CDH12: variants seen among roughly 807,000 people sequenced by gnomAD.
The protein encoded by CDH12 is cadherin-12.
CDH12 carries 41 observed loss-of-function variants against 74.1 expected under a neutral mutation model. That is an observed-to-expected ratio of 0.55 (90% CI 0.43 to 0.72). CDH12 has a LOEUF of 0.72. Among genes scored for constraint, CDH12 ranks in the 30% least tolerant of loss-of-function variants. The probability of loss-of-function intolerance (pLI) is 0.00; values close to 1 mark genes in which losing one functional copy is unlikely to be tolerated. For missense variants in CDH12, 945 were observed against 977.2 expected (o/e 0.97, Z 0.44); for synonymous variants, 399 against 355.0 (o/e 1.12, Z -1.39).
intron 3 of CDH12, among the ~76,000 whole-genome samples, chr5:22,279,929 T>C (rs1360383541): frequency 1.3e-5 from 2 of 152,078 alleles, no homozygotes; most frequent in African/African-American, 4.8e-5. Flanking sequence ...ATTTCTAGTT[T>C]TAGATCCCTG....
chr5:22,840,598 T>TAG (rs1316412388), intron 1 of CDH12, among the ~76,000 whole-genome samples: 1 of 151,712 alleles, frequency 6.6e-6, no homozygotes, highest in Non-Finnish European at 1.5e-5. Flanking sequence ...ACACTTACTA[T>TAG]ATGTTAGTCT....
chr5:22,625,689 C>T (rs759207018), intron 1 of CDH12, among the ~76,000 whole-genome samples: 3 of 152,160 alleles, frequency 2.0e-5, no homozygotes, highest in Non-Finnish European at 1.5e-5. Flanking sequence ...GCTGGCCTTT[C>T]CTGGGGCCCC....
At chr5:22,506,741 T>C (rs1366820849) in intron 1 of CDH12, among the ~76,000 whole-genome samples, 2 of 152,106 alleles carry the variant, frequency 1.3e-5, no homozygotes, top group Admixed American at 6.6e-5. Context: ...GGGAAATTTA[T>C]GTATTTATAT....
chr5:21,832,793 AAT>A (rs1360591466), intron 8 of CDH12, among the ~76,000 whole-genome samples: 33 of 102,280 alleles, frequency 3.2e-4, no homozygotes, highest in Admixed American at 1.6e-3. Flanking sequence ...TATATCATAT[AAT>A]ATATATATTA....
At chr5:22,207,039 C>T (rs1429431540) in intron 4 of CDH12, among the ~76,000 whole-genome samples, 3 of 150,862 alleles carry the variant, frequency 2.0e-5, no homozygotes, top group African/African-American at 7.3e-5. Context: ...TGGTGAAACC[C>T]TGTCTCTACT....
intron 1 of CDH12, among the ~76,000 whole-genome samples, chr5:22,811,170 C>T (rs1010187114): frequency 3.3e-5 from 5 of 151,268 alleles, no homozygotes; most frequent in Admixed American, 6.6e-5. Context: ...TACACACACA[C>T]ATATATATTT....
intron 1 of CDH12, among the ~76,000 whole-genome samples, chr5:22,584,081 A>AATTTATTTATTTATTTATTTATTTATTT (rs3047309): frequency 6.8e-6 from 1 of 147,418 alleles, no homozygotes; most frequent in African/African-American, 2.5e-5. Context: ...TTGTTTGCGG[A>AATTTATTTATTTATTTATTTATTTATTT]ATTTATTTAT....
intron 3 of CDH12, among the ~76,000 whole-genome samples, chr5:22,396,017 T>C (rs1742440684): frequency 6.6e-6 from 1 of 152,036 alleles, no homozygotes; most frequent in Non-Finnish European, 1.5e-5. Flanking sequence ...GTTCTTGGAC[T>C]CAATATTACA....
chr5:22,005,432 A>G (rs1188578865), intron 5 of CDH12, among the ~76,000 whole-genome samples: 2 of 152,210 alleles, frequency 1.3e-5, no homozygotes, highest in Non-Finnish European at 2.9e-5. Context: ...TAGTGCTGCA[A>G]TAAACATAGC....
At chr5:22,080,661 T>G (rs1441942771) in intron 4 of CDH12, among the ~76,000 whole-genome samples, 9 of 152,188 alleles carry the variant, frequency 5.9e-5, no homozygotes, top group Non-Finnish European at 1.2e-4. Flanking sequence ...TATGTTGAAT[T>G]TCAAAGACAG....
At chr5:22,151,594 T>C (rs1017747242) in intron 4 of CDH12, among the ~76,000 whole-genome samples, 1 of 152,144 alleles carries the variant, frequency 6.6e-6, no homozygotes, top group African/African-American at 2.4e-5. Context: ...AAACAAGTAA[T>C]TCACAAATCA....
At chr5:21,766,342 C>A (rs747530005) in intron 11 of CDH12, among the ~76,000 whole-genome samples, 1 of 151,884 alleles carries the variant, frequency 6.6e-6, no homozygotes. Context: ...TCTTATAATA[C>A]CAGGCGTGCT....
chr5:22,075,895 T>C (rs991691537), intron 5 of CDH12, among the ~76,000 whole-genome samples: 6 of 152,216 alleles, frequency 3.9e-5, no homozygotes, highest in African/African-American at 1.4e-4. Context: ...TTTCTATGAG[T>C]AATCTCAAAG....
intron 4 of CDH12, chr5:22,143,356 T>C (rs1746933416): frequency 1.3e-5 from 2 of 150,264 alleles, no homozygotes; most frequent in African/African-American, 4.9e-5. Flanking sequence ...ATAATACAAA[T>C]GTATAATATT....
intron 1 of CDH12, among the ~76,000 whole-genome samples, chr5:22,564,625 G>A (rs954029627): frequency 3.3e-5 from 5 of 151,644 alleles, no homozygotes; most frequent in African/African-American, 7.3e-5. Flanking sequence ...TTTCTTATTG[G>A]TTTGTTATTT....
intron 11 of CDH12, among the ~76,000 whole-genome samples, chr5:21,771,198 T>A (rs1308043074): frequency 4.0e-5 from 6 of 149,632 alleles, no homozygotes; most frequent in Non-Finnish European, 5.9e-5. Context: ...AAATGAAAGT[T>A]TTTTTTTTTT....
At chr5:22,251,665 T>A (rs1753137948) in intron 3 of CDH12, among the ~76,000 whole-genome samples, 1 of 152,172 alleles carries the variant, frequency 6.6e-6, no homozygotes. Flanking sequence ...AACCATATGA[T>A]CACTAGTCAA....
At chr5:22,610,481 T>C (rs1737341986) in intron 1 of CDH12, among the ~76,000 whole-genome samples, 1 of 152,142 alleles carries the variant, frequency 6.6e-6, no homozygotes, top group Non-Finnish European at 1.5e-5. Context: ...GCAGTTTTTA[T>C]ATTACTTCCA....
chr5:22,170,196 C>A (rs1748937964), intron 4 of CDH12, among the ~76,000 whole-genome samples: 1 of 151,784 alleles, frequency 6.6e-6, no homozygotes, highest in Admixed American at 6.6e-5. Flanking sequence ...AATAGCCAGA[C>A]CTGCTTCTCT....
Sources: allele counts gnomAD v4.1 joint callset (sites outside exome capture counted in the v4.1 genomes callset), GRCh38; gene constraint gnomAD v4.1.1; transcripts MANE v1.5; gene names NCBI Gene and HGNC (gene_info 2026-07-23, HGNC 2026-07-21).